Variants in PCDH19 observed in about 807,000 individuals in gnomAD.
The protein encoded by PCDH19 is protocadherin-19.
A neutral mutation model predicts 46.2 loss-of-function variants in PCDH19; 6 were observed. The ratio of observed to expected loss-of-function variants is 0.13; its 90% CI spans 0.07 to 0.26. The LOEUF is 0.26. Ranked by LOEUF, PCDH19 falls within the 10% of genes least tolerant of loss-of-function variation. PCDH19 has a pLI of 1.00. For missense variants in PCDH19, 740 were observed against 972.3 expected (o/e 0.76, Z 3.18); for synonymous variants, 481 against 415.7 (o/e 1.16, Z -1.91).
intron 3 of PCDH19, among the ~76,000 whole-genome samples, chrX:100,366,131 C>T (rs1301750209): frequency 8.9e-6 from 1 of 111,976 alleles, no homozygotes; most frequent in African/African-American, 3.2e-5. Flanking sequence ...CTGTGAAATA[C>T]GGCCTCATTC....
At chrX:100,337,411 G>A (rs1439852457) in intron 5 of PCDH19, among the ~76,000 whole-genome samples, 1 of 112,364 alleles carries the variant, frequency 8.9e-6, no homozygotes, top group Non-Finnish European at 1.9e-5. Context: ...CCAGTAGAAA[G>A]CACAGGATAA....
At chrX:100,376,335 T>G (rs1327049207) in intron 3 of PCDH19, among the ~76,000 whole-genome samples, 2 of 110,811 alleles carry the variant, frequency 1.8e-5, no homozygotes, top group Non-Finnish European at 3.8e-5. Context: ...TAGAAAAGAT[T>G]GGGTAGACAG....
At chrX:100,345,594 T>C (rs1926375619) in intron 4 of PCDH19, among the ~76,000 whole-genome samples, 1 of 111,729 alleles carries the variant, frequency 9.0e-6, no homozygotes, top group Non-Finnish European at 1.9e-5. Flanking sequence ...GATCATCTTT[T>C]TCATAGGCAT....
chrX:100,391,995 T>A (rs1927877433), intron 3 of PCDH19, among the ~76,000 whole-genome samples: 1 of 111,833 alleles, frequency 8.9e-6, no homozygotes, highest in South Asian at 3.8e-4. Flanking sequence ...TTTGATCCCA[T>A]ATTTCCAAAT....
At position 100,294,848 on chromosome X, in the gene PCDH19, C is replaced by CTGT. The variant is rs1461925307; in HGVS notation, c.*1428_*1429insACA. 1.8e-5 allele frequency: 2 copies of CTGT among 112,188 alleles called. No homozygotes were observed. The highest frequency in any genetic ancestry group is 3.8e-5 in the Non-Finnish European group (2 of 53,154). The allele number at this position is 112,188 out of a possible 1,213,427, so 9.2% of individuals were successfully genotyped here. A position where few individuals can be genotyped will look rare whatever the true frequency, so the allele number is the denominator to read the frequency against. On this transcript the variant is annotated 3_prime_UTR_variant, in exon 6 of 6. Coordinates refer to ENST00000373034, the MANE Select transcript of PCDH19 (RefSeq NM_001184880.2). ...GAATGTTAAAACAGAAAAAAAGGATCTACAGTGTGTTAATTTAAAAAGGGT... is the reference window on the plus strand; with the variant it reads ...GAATGTTAAAACAGAAAAAAAGGATCTGTTACAGTGTGTTAATTTAAAAAGGGT...
At chrX:100,302,302 G>A (rs746939308) in intron 5 of PCDH19, among the ~76,000 whole-genome samples, 50 of 111,666 alleles carry the variant, frequency 4.5e-4, no homozygotes, top group Middle Eastern at 4.6e-3. Context: ...TATTACTAGC[G>A]GTTAAACACA....
chrX:100,391,196 A>G (rs954888135), intron 3 of PCDH19, among the ~76,000 whole-genome samples: 1 of 111,653 alleles, frequency 9.0e-6, no homozygotes, highest in African/African-American at 3.2e-5. Context: ...TTCCAGCTCT[A>G]TAAATTTTTA....
At chrX:100,307,302 T>A (rs1029703126) in intron 5 of PCDH19, among the ~76,000 whole-genome samples, 2 of 111,915 alleles carry the variant, frequency 1.8e-5, no homozygotes, top group African/African-American at 6.5e-5. Context: ...AATCACATGA[T>A]CATCTCAATG....
chrX:100,309,038 T>C (rs1925042215), intron 5 of PCDH19, among the ~76,000 whole-genome samples: 1 of 110,885 alleles, frequency 9.0e-6, no homozygotes, highest in Admixed American at 9.6e-5. Flanking sequence ...GAAGTCCTTA[T>C]ATGGAAAAGG....
At chrX:100,318,375 TGTTAG>T (rs1468504142) in intron 5 of PCDH19, among the ~76,000 whole-genome samples, 2 of 112,126 alleles carry the variant, frequency 1.8e-5, no homozygotes, top group East Asian at 5.6e-4. Context: ...ATTTAATATA[TGTTAG>T]GTAGGTATTA....
intron 3 of PCDH19, among the ~76,000 whole-genome samples, 184 bp from the exon 4 acceptor site, chrX:100,350,888 C>G (rs1698382381): frequency 8.9e-6 from 1 of 112,406 alleles, no homozygotes; most frequent in African/African-American, 3.2e-5. Context: ...GAGGCAGCAG[C>G]TCCCCGCTGC....
At chrX:100,335,703 C>T (rs749780862) in intron 5 of PCDH19, among the ~76,000 whole-genome samples, 16 of 111,820 alleles carry the variant, frequency 1.4e-4, no homozygotes, top group African/African-American at 5.2e-4. Flanking sequence ...AAGATAACAA[C>T]TTTTACAGTC....
chrX:100,331,599 T>C (rs1476094753), intron 5 of PCDH19, among the ~76,000 whole-genome samples: 1 of 111,834 alleles, frequency 8.9e-6, no homozygotes, highest in Non-Finnish European at 1.9e-5. Context: ...GTAATCCCCA[T>C]GTGTTGAGGG....
Position 100,295,988 on chromosome X carries a change from C to A in PCDH19, c.*289G>T. 1 of 273,598 alleles carries A rather than the reference C, an allele frequency of 3.7e-6. No homozygotes were observed. The allele number at this position is 273,598 out of a possible 1,213,427, so 22.5% of individuals were successfully genotyped here. ...TTTGACATAGAAAAATATATAAATT[C>A]AAACACTTAATACATAATACTTTTC... On this transcript the variant is annotated 3_prime_UTR_variant, in exon 6 of 6. Coordinates refer to ENST00000373034, the MANE Select transcript of PCDH19 (RefSeq NM_001184880.2).
intron 5 of PCDH19, among the ~76,000 whole-genome samples, chrX:100,318,739 GAGT>G (rs1239975503): frequency 9.0e-6 from 1 of 111,407 alleles, no homozygotes; most frequent in Non-Finnish European, 1.9e-5. Flanking sequence ...GCAGGGCCCT[GAGT>G]AGAAGGGTTA....
chrX:100,409,736 G>A lies in PCDH19; in HGVS notation c.-1139C>T. ...CGCCGCCGCCGCCGCCGCCGCCGCCGCCGCGGGAGGAAGCCCTCCTAGCTC... is the reference window on the plus strand; with the variant it reads ...CGCCGCCGCCGCCGCCGCCGCCGCCACCGCGGGAGGAAGCCCTCCTAGCTC... On this transcript the variant is annotated 5_prime_UTR_variant, in exon 1 of 6. Coordinates refer to ENST00000373034, the MANE Select transcript of PCDH19 (RefSeq NM_001184880.2). 1 of 268,775 alleles carries A rather than the reference G, an allele frequency of 3.7e-6. No homozygotes were observed. The highest frequency in any genetic ancestry group is 1.4e-4 in the East Asian group (1 of 6,950). 22.2% of individuals were successfully genotyped at this position (268,775 alleles called of 1,213,427 possible).
chrX:100,318,490 GA>G (rs1925378148), intron 5 of PCDH19, among the ~76,000 whole-genome samples: 1 of 112,352 alleles, frequency 8.9e-6, no homozygotes, highest in Non-Finnish European at 1.9e-5. Flanking sequence ...TAAAGGAACT[GA>G]TGCTGGGGAA....
chrX:100,408,108 G>T lies in PCDH19; in HGVS notation c.490C>A (p.Gln164Lys). Residue 164 changes from glutamine (Q) to lysine (K), a missense_variant, in exon 1 of 6, where the codon CAG (glutamine) becomes AAG (lysine). By Grantham distance (53) the Gln-to-Lys change is moderately conservative. This residue lies in a region of PCDH19 where 48 missense variants were observed against 43.2 expected (regional missense o/e 1.11). Coordinates refer to ENST00000373034, the MANE Select transcript of PCDH19 (RefSeq NM_001184880.2). Reference sequence around the variant, plus strand: ...TCGTTGGGCGTGAGCTCGTAAGTCTGCACGCCAAAGCTTCCTGAGTCTGGA... The same window carrying T: ...TCGTTGGGCGTGAGCTCGTAAGTCTTCACGCCAAAGCTTCCTGAGTCTGGA... ...YDPDSGSFGV[Q>K]TYELTPNELF... 8.3e-7 allele frequency: 1 copy of T among 1,210,727 alleles called. No individual in the cohort carries two copies. The highest frequency in any genetic ancestry group is 1.1e-6 in the Non-Finnish European group (1 of 895,597).
In PCDH19 at chrX:100,404,620, T is replaced by A. The variant is rs779575078; in HGVS notation, c.2148-956A>T. ...GAGCACTGAGATTTACTCTTTTTTT[T>A]TTTTTTCAATATTCAGATGCTCTCC... is the stretch of plus-strand genomic sequence containing the variant. On this transcript the variant is annotated intron_variant, in intron 1 of 5. Transcript: ENST00000373034. Among the ~76,000 whole-genome samples the A allele has an allele frequency of 9.1e-5, 10 of 109,811 alleles. No individual in the cohort carries two copies. In the East Asian group the frequency reaches 2.8e-3, roughly 31 times the overall value.
Sources: gnomAD v4.1 joint callset for allele counts (sites outside exome capture counted in the v4.1 genomes callset) on GRCh38, gnomAD v4.1.1 for gene constraint, gnomAD v4.1.1 regional missense constraint, MANE v1.5 for transcripts, NCBI Gene and HGNC (gene_info 2026-07-23, HGNC 2026-07-21) for gene names.